Variants in KIAA0319L observed in about 807,000 individuals in gnomAD.
KIAA0319L encodes the protein KIAA0319 like.
Under a neutral mutation model 120.1 loss-of-function variants are expected in KIAA0319L, and 55 were observed. The ratio of observed to expected loss-of-function variants is 0.46; its 90% CI spans 0.37 to 0.57. The LOEUF (loss-of-function observed/expected upper bound fraction) is 0.57, where lower values mean the gene tolerates loss of function less well. KIAA0319L is among the 20% of genes least tolerant of loss of function. The pLI is 0.00. For missense variants in KIAA0319L, 1,049 were observed against 1,255.3 expected (o/e 0.84, Z 2.48); for synonymous variants, 398 against 471.9 (o/e 0.84, Z 2.03).
intron 2 of KIAA0319L, among the ~76,000 whole-genome samples, chr1:35,514,032 C>T (rs2148423110): frequency 6.6e-6 from 1 of 152,274 alleles, no homozygotes; most frequent in South Asian, 2.1e-4. Context: ...TTTTAAATTA[C>T]CTCCTGTAGT....
rs67198806 is a variant in KIAA0319L at position 35,513,288 on chromosome 1, A to ATTTTT, written c.143-6158_143-6154dup. Reference sequence around the variant, plus strand: ...ATAACATATATATATATATATATATATTTTTTTTTTTTTTTTTTTCTGTCC... The same window carrying ATTTTT: ...ATAACATATATATATATATATATATATTTTTTTTTTTTTTTTTTTTTTTTCTGTCC... On this transcript the variant is annotated intron_variant, in intron 2 of 20. Transcript: ENST00000325722. Among the ~76,000 whole-genome samples, 266 of 85,278 alleles carry ATTTTT rather than the reference A, an allele frequency of 3.1e-3. 4 individuals are homozygous for ATTTTT. The highest frequency in any genetic ancestry group is 0.011 in the African/African-American group (250 of 23,466). 55.9% of individuals were successfully genotyped at this position (85,278 alleles called of 152,430 possible).
chr1:35,458,639 A>T (rs889866114), intron 9 of KIAA0319L, among the ~76,000 whole-genome samples: 21 of 152,336 alleles, frequency 1.4e-4, no homozygotes, highest in African/African-American at 4.6e-4. Flanking sequence ...TTTGTGCCAA[A>T]ATTTCCTAAT....
At chr1:35,463,990 GGTTGTGAGGCCTCCCCA>G (rs1167119222) in intron 7 of KIAA0319L, among the ~76,000 whole-genome samples, 1 of 152,118 alleles carries the variant, frequency 6.6e-6, no homozygotes, top group Non-Finnish European at 1.5e-5. Context: ...CTTCTGCCAT[GGTTGTGAGGCCTCCCCA>G]GCCACGTGCT....
At chr1:35,542,362 C>G (rs1646826109) in intron 2 of KIAA0319L, among the ~76,000 whole-genome samples, 1 of 152,176 alleles carries the variant, frequency 6.6e-6, no homozygotes, top group African/African-American at 2.4e-5. Context: ...GTCTGACACC[C>G]AAGTCCATGC....
chr1:35,477,416 C>T (rs919543922), intron 4 of KIAA0319L, among the ~76,000 whole-genome samples: 1 of 152,088 alleles, frequency 6.6e-6, no homozygotes, highest in African/African-American at 2.4e-5. Context: ...GCCTGTAATC[C>T]CAGCACTTTG....
chr1:35,533,639 C>T (rs1646458857), intron 2 of KIAA0319L, among the ~76,000 whole-genome samples: 1 of 152,072 alleles, frequency 6.6e-6, no homozygotes, highest in Non-Finnish European at 1.5e-5. Flanking sequence ...TTAAATTTGT[C>T]TCTTTATTCA....
chr1:35,497,764 C>T (rs1458904935), intron 3 of KIAA0319L, among the ~76,000 whole-genome samples: 1 of 152,138 alleles, frequency 6.6e-6, no homozygotes, highest in Non-Finnish European at 1.5e-5. Flanking sequence ...GCACAATGTC[C>T]ATTTTCCCCT....
At chr1:35,536,798 T>C (rs1646589282) in intron 2 of KIAA0319L, among the ~76,000 whole-genome samples, 1 of 152,064 alleles carries the variant, frequency 6.6e-6, no homozygotes, top group African/African-American at 2.4e-5. Context: ...AAGTCACCTG[T>C]TCAGAAACAA....
intron 3 of KIAA0319L, among the ~76,000 whole-genome samples, chr1:35,480,967 T>C (rs908384134): frequency 6.6e-5 from 10 of 152,218 alleles, no homozygotes. Context: ...TCTCCATCTC[T>C]AGGCTCAGGA....
At chr1:35,446,547 C>A (rs1641638385) in intron 16 of KIAA0319L, among the ~76,000 whole-genome samples, 1 of 152,178 alleles carries the variant, frequency 6.6e-6, no homozygotes, top group Non-Finnish European at 1.5e-5. Context: ...TTGCACTGAT[C>A]TACTAATCAC....
rs71062878 is a variant in KIAA0319L, at chr1:35,479,947, C to CAAAAAA, written c.667-741_667-736dup. 6.8e-4 allele frequency among the ~76,000 whole-genome samples: 22 copies of CAAAAAA among 32,306 alleles called. 1 individual carries two copies. Among genetic ancestry groups the CAAAAAA allele is most frequent in the South Asian group, 2.3e-3 (1 of 436 alleles). The allele number at this position is 32,306 out of a possible 152,430, so 21.2% of individuals were successfully genotyped here. The stretch of plus-strand genomic sequence containing the variant: ...AAATATACCAATGTTTATGATGAGC[C>CAAAAAA]AAAAAAAAAAAAAAAAAAAAAAAAA... On this transcript the variant is annotated intron_variant, in intron 3 of 20. Transcript: ENST00000325722.
At chr1:35,484,619 A>G (rs1644292290) in intron 3 of KIAA0319L, among the ~76,000 whole-genome samples, 1 of 150,286 alleles carries the variant, frequency 6.7e-6, no homozygotes, top group South Asian at 2.1e-4. Flanking sequence ...TCCAATCTCT[A>G]TTTCTTTCAT....
intron 3 of KIAA0319L, among the ~76,000 whole-genome samples, chr1:35,484,924 T>C (rs993317048): frequency 6.7e-5 from 10 of 149,584 alleles, no homozygotes; most frequent in Non-Finnish European, 1.3e-4. Context: ...CATCTAGCAT[T>C]AGGTATATCT....
Position 35,449,920 on chromosome 1 carries a change from G to C in KIAA0319L, c.2300C>G (p.Thr767Ser). Residue 767 changes from threonine (T) to serine (S), a missense_variant, in exon 15 of 21, where the codon ACC becomes AGC. By Grantham distance (58) the Thr-to-Ser change is moderately conservative (BLOSUM62 1). Transcript: ENST00000325722. Reference sequence around the variant, plus strand: ...TGTGTCACTCTCACCCTTTGCATCGGTCACTTTCAGGTGAAAAGTGTAGGT... The same window carrying C: ...TGTGTCACTCTCACCCTTTGCATCGCTCACTTTCAGGTGAAAAGTGTAGGT... ...EGTYTFHLKV[T>S]DAKGESDTDR... 6 of 1,614,058 alleles carry C rather than the reference G, an allele frequency of 3.7e-6. No individual in the cohort carries two copies. Among genetic ancestry groups the C allele is most frequent in the Non-Finnish European group, 5.1e-6 (6 of 1,179,954 alleles).
chr1:35,449,765 G>T, intron 15 of KIAA0319L, 102 bp downstream of exon 15: 2 of 1,254,216 alleles, frequency 1.6e-6, no homozygotes, highest in Non-Finnish European at 2.3e-6. Flanking sequence ...AGCTGGACAT[G>T]CCATCTGGCT....
chr1:35,442,474 G>A (rs1641298909), intron 18 of KIAA0319L, 138 bp from the exon 19 acceptor site: 10 of 703,952 alleles, frequency 1.4e-5, no homozygotes. Context: ...TAAGACCTTG[G>A]AGTTAAGGGC....
intron 3 of KIAA0319L, among the ~76,000 whole-genome samples, chr1:35,505,762 T>A (rs1645183689): frequency 6.6e-6 from 1 of 152,244 alleles, no homozygotes; most frequent in African/African-American, 2.4e-5. Flanking sequence ...ACTGGCAAAC[T>A]GTTTAACCTC....
At chr1:35,478,940 C>G in intron 4 of KIAA0319L, 26 bp downstream of exon 4, 2 of 1,604,216 alleles carry the variant, frequency 1.2e-6, no homozygotes, top group Non-Finnish European at 1.7e-6. Context: ...CTTTTTCCTT[C>G]TATCTCCAAG....
intron 16 of KIAA0319L, among the ~76,000 whole-genome samples, chr1:35,445,214 C>G (rs1292969344): frequency 1.3e-5 from 2 of 152,156 alleles, no homozygotes; most frequent in Non-Finnish European, 2.9e-5. Context: ...ATTTTCCAGG[C>G]ATGCATGACA....
Sources: allele counts gnomAD v4.1 joint callset (sites outside exome capture counted in the v4.1 genomes callset), GRCh38; gene constraint gnomAD v4.1.1; transcripts MANE v1.5; gene names NCBI Gene and HGNC (gene_info 2026-07-23, HGNC 2026-07-21).